Variants in LOC400499 observed in about 807,000 individuals in gnomAD.
chr16:11,498,656 C>A, the LOC400499 span, among the ~76,000 whole-genome samples: 1 of 151,858 alleles, frequency 6.6e-6, no homozygotes, highest in South Asian at 2.1e-4. Flanking sequence ...TCATGCAGGG[C>A]CTTGCTGACT....
the LOC400499 span, chr16:11,461,265 C>G: frequency 4.0e-6 from 4 of 1,005,020 alleles, no homozygotes; most frequent in Admixed American, 1.2e-4. Flanking sequence ...CCCTGCACAA[C>G]AGGCCACAGA....
the LOC400499 span, among the ~76,000 whole-genome samples, chr16:11,466,425 T>C: frequency 6.1e-3 from 935 of 152,246 alleles, 12 homozygotes; most frequent in African/African-American, 0.021. Flanking sequence ...TCTCGCTCTG[T>C]TGCCCAGGCT....
chr16:11,392,790 C>T, the LOC400499 span: 5 of 984,200 alleles, frequency 5.1e-6, no homozygotes, highest in Admixed American at 1.8e-4. Flanking sequence ...GATCACAGCT[C>T]ACTCCCAGCA....
chr16:11,501,190 A>C, the LOC400499 span, among the ~76,000 whole-genome samples: 2 of 152,042 alleles, frequency 1.3e-5, no homozygotes, highest in African/African-American at 4.8e-5. Flanking sequence ...CTACCCACCC[A>C]AGAAACACTG....
chr16:11,473,475 C>T, the LOC400499 span, among the ~76,000 whole-genome samples: 2 of 152,122 alleles, frequency 1.3e-5, no homozygotes, highest in Non-Finnish European at 2.9e-5. Flanking sequence ...CGAAGTTTCT[C>T]ATTAAAACAG....
the LOC400499 span, chr16:11,417,891 C>T: frequency 1.3e-4 from 52 of 398,428 alleles, no homozygotes; most frequent in East Asian, 1.5e-3. Context: ...GAGAGCCAGC[C>T]TGGGTCAAGC....
At chr16:11,465,980 C>T in the LOC400499 span, among the ~76,000 whole-genome samples, 13 of 152,312 alleles carry the variant, frequency 8.5e-5, no homozygotes, top group African/African-American at 2.9e-4. Context: ...TAAGAATTTA[C>T]TCTGCAGAGA....
chr16:11,379,249 A>G, the LOC400499 span, among the ~76,000 whole-genome samples: 1 of 152,242 alleles, frequency 6.6e-6, no homozygotes, highest in Non-Finnish European at 1.5e-5. Flanking sequence ...TTCCATCTCA[A>G]AAAAATAAAA....
At chr16:11,408,558 G>A in the LOC400499 span, among the ~76,000 whole-genome samples, 1 of 150,324 alleles carries the variant, frequency 6.7e-6, no homozygotes, top group Non-Finnish European at 1.5e-5. Flanking sequence ...TCAACCTCCT[G>A]GGCTCAAGCA....
the LOC400499 span, among the ~76,000 whole-genome samples, chr16:11,502,531 G>T: frequency 6.6e-6 from 1 of 152,074 alleles, no homozygotes; most frequent in South Asian, 2.1e-4. Flanking sequence ...TGTTCACTAT[G>T]ATTGTAATAT....
the LOC400499 span, chr16:11,508,612 T>C: frequency 2.5e-6 from 1 of 397,112 alleles, no homozygotes; most frequent in Non-Finnish European, 4.4e-6. Flanking sequence ...GCCCTGATAT[T>C]AAATATCTGA....
the LOC400499 span, among the ~76,000 whole-genome samples, chr16:11,408,920 C>A: frequency 1.3e-5 from 2 of 151,704 alleles, no homozygotes; most frequent in East Asian, 3.9e-4. Flanking sequence ...TGTGGGTATG[C>A]ACTGTAAAAT....
chr16:11,493,443 T>C, the LOC400499 span, among the ~76,000 whole-genome samples: 1 of 152,060 alleles, frequency 6.6e-6, no homozygotes, highest in African/African-American at 2.4e-5. Flanking sequence ...AATCATATGG[T>C]TGTGTTTTTG....
At chr16:11,382,404 T>C in the LOC400499 span, among the ~76,000 whole-genome samples, 13 of 135,316 alleles carry the variant, frequency 9.6e-5, no homozygotes, top group Non-Finnish European at 1.4e-4. Context: ...CACTGACTTC[T>C]ATGCCCATTT....
the LOC400499 span, among the ~76,000 whole-genome samples, chr16:11,419,220 C>CA: frequency 6.6e-6 from 1 of 151,796 alleles, no homozygotes; most frequent in Non-Finnish European, 1.5e-5. Flanking sequence ...CTACAGTAAC[C>CA]AAAACAGCAT....
At chr16:11,389,365 G>T in the LOC400499 span, among the ~76,000 whole-genome samples, 1 of 152,260 alleles carries the variant, frequency 6.6e-6, no homozygotes, top group African/African-American at 2.4e-5. Context: ...CAAGTAAGAA[G>T]GGTTTTTGTG....
the LOC400499 span, among the ~76,000 whole-genome samples, chr16:11,420,432 G>T: frequency 8.0e-5 from 11 of 138,108 alleles, no homozygotes; most frequent in Middle Eastern, 3.6e-3. Flanking sequence ...CATCACACTC[G>T]GGGGACTGTT....
the LOC400499 span, among the ~76,000 whole-genome samples, chr16:11,444,300 A>C: frequency 0.025 from 3,795 of 152,206 alleles, 69 homozygotes; most frequent in Non-Finnish European, 0.041. Flanking sequence ...TAGGAGGCTG[A>C]GGTGTGAGGG....
At chr16:11,438,607 CAAAAAAAAAAAAA>C in the LOC400499 span, among the ~76,000 whole-genome samples, 1 of 59,850 alleles carries the variant, frequency 1.7e-5, no homozygotes, top group African/African-American at 7.6e-5. Context: ...CCTGTCTCTG[CAAAAAAAAAAAAA>C]AAAAAAAAAA....
Sources: allele counts gnomAD v4.1 joint callset (sites outside exome capture counted in the v4.1 genomes callset), GRCh38; gene constraint gnomAD v4.1.1; transcripts MANE v1.5.